The following SMG7 variants were observed in gnomAD, a reference collection of about 807,000 sequenced individuals.
SMG7 encodes SMG7 nonsense mediated mRNA decay factor, also known as nonsense-mediated mRNA decay factor SMG7.
SMG7 carries 34 observed loss-of-function variants against 148.2 expected under a neutral mutation model. The observed-to-expected ratio is 0.23, with a 90% CI of 0.17 to 0.31. The LOEUF is 0.31. Among genes scored for constraint, SMG7 ranks in the 10% least tolerant of loss-of-function variants. The probability of loss-of-function intolerance (pLI) is 1.00; values close to 1 mark genes in which losing one functional copy is unlikely to be tolerated. For synonymous variants in SMG7, 492 were observed against 515.1 expected (o/e 0.96, Z 0.61); for missense variants, 1,114 against 1,408.4 (o/e 0.79, Z 3.35).
In SMG7 at chr1:183,551,931, A is replaced by G; in HGVS notation, c.3564A>G (p.Ter1188TrpextTer12). The G allele has an allele frequency of 1.2e-6, 2 of 1,613,290 alleles. No individual in the cohort carries two copies. Among genetic ancestry groups the G allele is most frequent in the Non-Finnish European group, 1.7e-6 (2 of 1,179,512 alleles). The change falls in exon 23 of 23, where the codon TGA (stop) becomes TGG (tryptophan). Residue 1188 changes from the stop codon to tryptophan (W), a stop_lost. Transcript: ENST00000688051. ...RGQGTMNPPH[*>W] ...AAGGCACCATGAACCCTCCACACTG[A>G]GGCCAAAGTGGCAACCTGGGAATGA...
intron 1 of SMG7, among the ~76,000 whole-genome samples, chr1:183,512,081 A>G (rs2102418529): frequency 6.6e-6 from 1 of 152,320 alleles, no homozygotes; most frequent in Non-Finnish European, 1.5e-5. Flanking sequence ...GGCAGCAGCT[A>G]GAGGGGAACG....
At chr1:183,535,334 T>C (rs1464700187) in intron 10 of SMG7, among the ~76,000 whole-genome samples, 1 of 152,230 alleles carries the variant, frequency 6.6e-6, no homozygotes, top group Non-Finnish European at 1.5e-5. Context: ...AACAGCTTTA[T>C]TGGCAAACAT....
intron 1 of SMG7, among the ~76,000 whole-genome samples, chr1:183,486,913 G>T (rs1655581019): frequency 6.6e-6 from 1 of 152,186 alleles, no homozygotes; most frequent in Non-Finnish European, 1.5e-5. Flanking sequence ...GGTTGCTCAG[G>T]CTGGTCACTG....
intron 1 of SMG7, among the ~76,000 whole-genome samples, chr1:183,495,847 G>A (rs1000619975): frequency 6.6e-6 from 1 of 151,512 alleles, no homozygotes; most frequent in Admixed American, 6.6e-5. Flanking sequence ...CAGCCTAGGT[G>A]ACGAGCAAGA....
At chr1:183,487,281 C>T (rs1166308381) in intron 1 of SMG7, among the ~76,000 whole-genome samples, 1 of 152,162 alleles carries the variant, frequency 6.6e-6, no homozygotes, top group African/African-American at 2.4e-5. Flanking sequence ...CTTCCATCTT[C>T]AAAGCCAGTA....
At chr1:183,514,097 G>A (rs1177520101) in intron 2 of SMG7, among the ~76,000 whole-genome samples, 6 of 148,450 alleles carry the variant, frequency 4.0e-5, no homozygotes, top group Admixed American at 6.7e-5. Context: ...TGTAATCACC[G>A]TATACTGGTC....
intron 1 of SMG7, among the ~76,000 whole-genome samples, chr1:183,492,626 TC>T (rs1657349617): frequency 2.6e-5 from 4 of 152,216 alleles, no homozygotes; most frequent in African/African-American, 9.6e-5. Context: ...TAACTATAGT[TC>T]AGTTTGGGGA....
At position 183,541,101 on chromosome 1, in the gene SMG7, A is replaced by C; in HGVS notation, c.1413A>C (p.Pro471=). The stretch of plus-strand genomic sequence containing the variant: ...GCAAATGGATTGCTGATAATCAGCC[A>C]AGGTAAGTCTGGAACTTCTGGTCTA... ...SIGKWIADNQ[P]RLIQCENEVG... The change falls in exon 13 of 23, where the codon CCA becomes CCC. Residue 471 remains proline, a splice_region_variant and synonymous_variant. Coordinates refer to ENST00000688051, the MANE Select transcript of SMG7 (RefSeq NM_001375584.1). 2 of 1,613,014 alleles carry C rather than the reference A, an allele frequency of 1.2e-6. No individual in the cohort carries two copies. Among genetic ancestry groups the C allele is most frequent in the Non-Finnish European group, 1.7e-6 (2 of 1,179,212 alleles).
intron 3 of SMG7, among the ~76,000 whole-genome samples, chr1:183,516,661 G>A (rs564709268): frequency 2.6e-5 from 4 of 152,294 alleles, no homozygotes; most frequent in African/African-American, 9.6e-5. Flanking sequence ...ACTAATGTCC[G>A]TTACCCTAAG....
chr1:183,546,002 C>A lies in SMG7; in HGVS notation c.2407C>A (p.Pro803Thr), dbSNP rs372630167. ...QADASKQLWN[P>T]PQVQGPLGKI... The stretch of plus-strand genomic sequence containing the variant: ...AGATGCCTCCAAACAGCTGTGGAAT[C>A]CCCCTCAGGTTCAAGGCCCATTAGG... Residue 803 changes from proline to threonine, a missense_variant, in exon 17 of 23, where the codon CCC becomes ACC. This residue lies in a region of SMG7 where 788 missense variants were observed against 894.5 expected (regional missense o/e 0.88). Coordinates refer to ENST00000688051, the MANE Select transcript of SMG7 (RefSeq NM_001375584.1). 1 of 1,611,222 alleles carries A rather than the reference C, an allele frequency of 6.2e-7. No homozygotes were observed. The highest frequency in any genetic ancestry group is 1.7e-4 in the Middle Eastern group (1 of 6,034).
chr1:183,505,891 T>A (rs1177627440), intron 1 of SMG7, among the ~76,000 whole-genome samples: 3 of 152,234 alleles, frequency 2.0e-5, no homozygotes, highest in African/African-American at 7.2e-5. Context: ...CTTACTTCAG[T>A]CTTATATCTG....
chr1:183,503,559 A>G (rs1660223536), intron 1 of SMG7, among the ~76,000 whole-genome samples: 1 of 152,202 alleles, frequency 6.6e-6, no homozygotes, highest in Non-Finnish European at 1.5e-5. Flanking sequence ...GGTAGAGGAC[A>G]TAGGGTTTTT....
intron 1 of SMG7, among the ~76,000 whole-genome samples, chr1:183,485,291 T>C (rs899655059): frequency 6.6e-6 from 1 of 152,194 alleles, no homozygotes; most frequent in African/African-American, 2.4e-5. Context: ...TAAAACATAA[T>C]GTAATATGTA....
chr1:183,499,405 A>T (rs562674820), intron 1 of SMG7, among the ~76,000 whole-genome samples: 1 of 152,296 alleles, frequency 6.6e-6, no homozygotes, highest in East Asian at 1.9e-4. Flanking sequence ...TCTCATTCGC[A>T]TTTGGTTTTG....
chr1:183,493,374 A>T (rs527466074), intron 1 of SMG7, among the ~76,000 whole-genome samples: 67 of 152,270 alleles, frequency 4.4e-4, no homozygotes, highest in African/African-American at 1.5e-3. Flanking sequence ...TTGTTTATAT[A>T]TATATTTTTA....
At chr1:183,473,968 TAGGG>T (rs780150163) in intron 1 of SMG7, 2 of 645,302 alleles carry the variant, frequency 3.1e-6, no homozygotes, top group Non-Finnish European at 1.9e-6. Flanking sequence ...TTAAGCATAA[TAGGG>T]AGAGAAGAGA....
At chr1:183,514,303 C>G (rs778541627) in intron 2 of SMG7, among the ~76,000 whole-genome samples, 1 of 151,678 alleles carries the variant, frequency 6.6e-6, no homozygotes, top group Admixed American at 6.6e-5. Flanking sequence ...TTTGTCAGCT[C>G]TAGAGTCACT....
In SMG7 at chr1:183,527,888, G is replaced by C; in HGVS notation, c.485-68G>C. The C allele has an allele frequency of 2.0e-6, 2 of 991,850 alleles. No individual in the cohort carries two copies. Among genetic ancestry groups the C allele is most frequent in the Non-Finnish European group, 3.2e-6 (2 of 632,332 alleles). 61.4% of individuals were successfully genotyped at this position (991,850 alleles called of 1,614,324 possible). Reference sequence around the variant, plus strand: ...ATTATCTTTAGAACTTAAAACTATAGCTGTTTTGGAAATACTACCCTACTG... The same window carrying C: ...ATTATCTTTAGAACTTAAAACTATACCTGTTTTGGAAATACTACCCTACTG... On this transcript the variant is annotated intron_variant, in intron 5 of 22. Coordinates refer to ENST00000688051, the MANE Select transcript of SMG7 (RefSeq NM_001375584.1). This position sits in a 1 kb window ranked among gnomAD's most constrained non-coding sequence, Gnocchi z 4.0.
intron 10 of SMG7, 135 bp downstream of exon 10, chr1:183,533,967 A>C: frequency 1.5e-6 from 1 of 659,446 alleles, no homozygotes; most frequent in Non-Finnish European, 2.5e-6. Flanking sequence ...TCGGGAATTG[A>C]ACTGAAGACC....
Sources: gnomAD v4.1 joint callset for allele counts (sites outside exome capture counted in the v4.1 genomes callset) on GRCh38, gnomAD v4.1.1 for gene constraint, gnomAD v4.1.1 regional missense constraint, Gnocchi (gnomAD v3.1) non-coding constraint, MANE v1.5 for transcripts, NCBI Gene and HGNC (gene_info 2026-07-23, HGNC 2026-07-21) for gene names.